MPHOSPH10: variants seen among roughly 807,000 people sequenced by gnomAD.
The protein encoded by MPHOSPH10 is M-phase phosphoprotein 10, also known as U3 small nucleolar ribonucleoprotein MPP10.
MPHOSPH10 carries 33 observed loss-of-function variants against 77.3 expected under a neutral mutation model. The observed-to-expected ratio is 0.43, with a 90% CI of 0.32 to 0.57. MPHOSPH10 has a LOEUF of 0.57. Among genes scored for constraint, MPHOSPH10 ranks in the 20% least tolerant of loss-of-function variants. The probability of loss-of-function intolerance (pLI) is 0.07; values close to 1 mark genes in which losing one functional copy is unlikely to be tolerated. For synonymous variants in MPHOSPH10, 245 were observed against 268.0 expected, an observed-to-expected ratio of 0.91 and a Z score of 0.84; for missense variants, 708 against 780.1, an observed-to-expected ratio of 0.91 and a Z score of 1.10.
intron 1 of MPHOSPH10, among the ~76,000 whole-genome samples, chr2:71,132,539 T>TAAA (rs1486598979): frequency 6.6e-6 from 1 of 152,238 alleles, no homozygotes; most frequent in African/African-American, 2.4e-5. Flanking sequence ...GAGGTTTTCC[T>TAAA]TGACCACTGT....
intron 7 of MPHOSPH10, among the ~76,000 whole-genome samples, chr2:71,141,888 C>T (rs568194972): frequency 1.0e-3 from 159 of 151,980 alleles, no homozygotes; most frequent in Non-Finnish European, 1.7e-3. Flanking sequence ...AAAAATTAGA[C>T]GGGCGTGGTG....
intron 1 of MPHOSPH10, among the ~76,000 whole-genome samples, chr2:71,131,849 G>A (rs1673391396): frequency 2.0e-5 from 3 of 152,182 alleles, no homozygotes; most frequent in Admixed American, 2.0e-4. Context: ...GCAGGAACTG[G>A]CTGTTTTATT....
intron 7 of MPHOSPH10, among the ~76,000 whole-genome samples, chr2:71,143,444 G>T (rs1673648684): frequency 6.6e-6 from 1 of 151,858 alleles, no homozygotes; most frequent in African/African-American, 2.4e-5. Context: ...CACCATGCTG[G>T]GCCATTTTTT....
intron 4 of MPHOSPH10, among the ~76,000 whole-genome samples, 172 bp from the exon 5 acceptor site, chr2:71,138,318 C>T (rs1156855448): frequency 6.6e-6 from 1 of 152,118 alleles, no homozygotes; most frequent in East Asian, 1.9e-4. Context: ...GCAGCTCACC[C>T]CACCATAGGC....
At chr2:71,149,009 A>C in intron 9 of MPHOSPH10, 1 of 591,856 alleles carries the variant, frequency 1.7e-6, no homozygotes, top group Non-Finnish European at 3.0e-6. Flanking sequence ...AACCGTCACT[A>C]TAAGAGTCTG....
At position 71,136,165 on chromosome 2, in the gene MPHOSPH10, T is replaced by C. The variant is rs146966838; in HGVS notation, c.1098+1368T>C. 3.0e-3 allele frequency among the ~76,000 whole-genome samples: 455 copies of C among 152,336 alleles called. 4 individuals are homozygous for C. Among genetic ancestry groups the C allele is most frequent in the African/African-American group, 9.7e-3 (405 of 41,574 alleles). ...TGAAATTTCATTAAATTTTTGTAGA[T>C]GTAGTCTGGCTCTAATAATTTGGCT... On this transcript the variant is annotated intron_variant, in intron 4 of 10. Coordinates refer to ENST00000244230, the MANE Select transcript of MPHOSPH10 (RefSeq NM_005791.3).
intron 8 of MPHOSPH10, among the ~76,000 whole-genome samples, chr2:71,146,173 T>C (rs1007528826): frequency 1.9e-4 from 29 of 152,330 alleles, no homozygotes; most frequent in Admixed American, 1.1e-3. Context: ...TGAATGTATA[T>C]GTGTCTATGT....
chr2:71,139,037 T>G (rs981703247), intron 5 of MPHOSPH10: 2 of 402,916 alleles, frequency 5.0e-6, no homozygotes, highest in African/African-American at 2.0e-5. Context: ...AGCGACACTC[T>G]GTCAAAAAAG....
Position 71,150,089 on chromosome 2 carries a change from C to A in MPHOSPH10, c.*74C>A. On this transcript the variant is annotated 3_prime_UTR_variant, in exon 11 of 11. Transcript: ENST00000244230. ...CATTGTTCTGTTTTATAATAAAATT[C>A]TTGAGAACCTTCCTTTGCATCGATG... is the stretch of plus-strand genomic sequence containing the variant. 1.0e-5 allele frequency: 9 copies of A among 866,444 alleles called. No individual in the cohort carries two copies. Among genetic ancestry groups the A allele is most frequent in the Non-Finnish European group, 1.5e-5 (9 of 612,630 alleles). 53.7% of individuals were successfully genotyped at this position (866,444 alleles called of 1,614,324 possible).
intron 1 of MPHOSPH10, among the ~76,000 whole-genome samples, chr2:71,132,297 T>C (rs1372613551): frequency 1.3e-5 from 2 of 152,218 alleles, no homozygotes; most frequent in Non-Finnish European, 2.9e-5. Context: ...CTTTACACTT[T>C]AAATGACAAA....
intron 9 of MPHOSPH10, 78 bp from the exon 10 acceptor site, chr2:71,149,145 C>T (rs1572902329): frequency 1.5e-6 from 2 of 1,319,382 alleles, no homozygotes; most frequent in East Asian, 5.0e-5. Context: ...TTGCTGGCTA[C>T]CCTGCAGTTT....
chr2:71,145,631 A>G (rs1275960536), intron 8 of MPHOSPH10, among the ~76,000 whole-genome samples: 1 of 152,180 alleles, frequency 6.6e-6, no homozygotes, highest in Non-Finnish European at 1.5e-5. Flanking sequence ...TAAAATAAAC[A>G]GGTGAAGAGA....
chr2:71,142,010 C>T (rs545704101), intron 7 of MPHOSPH10, among the ~76,000 whole-genome samples: 2 of 151,130 alleles, frequency 1.3e-5, no homozygotes, highest in South Asian at 2.1e-4. Context: ...CCAGCCTGGG[C>T]GACAGAGTGA....
rs1220024419 is a variant in MPHOSPH10, at chr2:71,134,100, G to A, written c.921G>A (p.Ser307=). Reference sequence around the variant, plus strand: ...AAGAAGCAGAAGAACTAAGTATTTCGGAAACGTGAGTATTTTGAACCATCC... The same window carrying A: ...AAGAAGCAGAAGAACTAAGTATTTCAGAAACGTGAGTATTTTGAACCATCC... ...AEEEAEELSI[S]ETDEDDDLQE... Residue 307 remains serine, a synonymous_variant, in exon 3 of 11, where the codon TCG becomes TCA. Coordinates refer to ENST00000244230, the MANE Select transcript of MPHOSPH10 (RefSeq NM_005791.3). 5.6e-6 allele frequency: 9 copies of A among 1,603,852 alleles called. No homozygotes were observed. The highest frequency in any genetic ancestry group is 4.0e-5 in the African/African-American group (3 of 74,462).
intron 5 of MPHOSPH10, 190 bp downstream of exon 5, chr2:71,138,821 G>A: frequency 1.3e-6 from 1 of 771,180 alleles, no homozygotes; most frequent in Non-Finnish European, 2.2e-6. Context: ...GATCACCTGA[G>A]GTCAGGAGTT....
chr2:71,147,141 C>T (rs1467727432), intron 8 of MPHOSPH10, among the ~76,000 whole-genome samples: 2 of 152,124 alleles, frequency 1.3e-5, no homozygotes, highest in Non-Finnish European at 2.9e-5. Context: ...GGAAATTTAT[C>T]AGTAGTCTAT....
In MPHOSPH10 at chr2:71,149,266, C is replaced by T. The variant is rs765570885; in HGVS notation, c.1709C>T (p.Thr570Ile). Residue 570 changes from threonine to isoleucine, a missense_variant, in exon 10 of 11, where the codon ACA (threonine) becomes ATA (isoleucine). Thr to Ile is a moderately conservative substitution (Grantham distance 89). Transcript: ENST00000244230. ...AGDIKTAAEK[T>I]ATDKKRERRK... is the part of the protein sequence containing the mutation. ...GATATAAAAACAGCTGCTGAAAAAA[C>T]AGCTACAGACAAGAAACGAGAGCGA... 7 of 1,594,466 alleles carry T rather than the reference C, an allele frequency of 4.4e-6. No homozygotes were observed. The Admixed American group carries it at 1.1e-4, about 24-fold the overall frequency.
intron 9 of MPHOSPH10, chr2:71,148,934 C>T (rs141833017): frequency 1.2e-5 from 5 of 400,116 alleles, no homozygotes; most frequent in Admixed American, 8.6e-5. Context: ...GCTGGCTCCT[C>T]TTGTGCTGTT....
chr2:71,134,119 A>C lies in MPHOSPH10; in HGVS notation c.926+14A>C. ...TATTTCGGAAACGTGAGTATTTTGA[A>C]CCATCCTTTACATTGTAAGCTGGAA... On this transcript the variant is annotated intron_variant, in intron 3 of 10. Coordinates refer to ENST00000244230, the MANE Select transcript of MPHOSPH10 (RefSeq NM_005791.3). 1 of 1,595,218 alleles carries C rather than the reference A, an allele frequency of 6.3e-7. No individual in the cohort carries two copies. Among genetic ancestry groups the C allele is most frequent in the Non-Finnish European group, 8.5e-7 (1 of 1,172,042 alleles).
Sources: allele counts gnomAD v4.1 joint callset (sites outside exome capture counted in the v4.1 genomes callset), GRCh38; gene constraint gnomAD v4.1.1; transcripts MANE v1.5; gene names NCBI Gene and HGNC (gene_info 2026-07-23, HGNC 2026-07-21).